Variants in RAP1GAP2 observed in about 807,000 individuals in gnomAD.
The protein encoded by RAP1GAP2 is RAP1 GTPase activating protein 2, also known as rap1 GTPase-activating protein 2.
A neutral mutation model predicts 95.0 loss-of-function variants in RAP1GAP2; 27 were observed. The observed-to-expected ratio is 0.28, with a 90% CI of 0.21 to 0.39. The LOEUF is 0.39. Ranked by LOEUF, RAP1GAP2 falls within the 10% of genes least tolerant of loss-of-function variation. The probability of loss-of-function intolerance (pLI) is 1.00; values close to 1 mark genes in which losing one functional copy is unlikely to be tolerated. For missense variants in RAP1GAP2, 771 were observed against 970.0 expected, an observed-to-expected ratio of 0.79 and a Z score of 2.72; for synonymous variants, 373 against 380.9, an observed-to-expected ratio of 0.98 and a Z score of 0.24.
chr17:2,875,387 A>C (rs943042641), intron 2 of RAP1GAP2, among the ~76,000 whole-genome samples: 3 of 152,148 alleles, frequency 2.0e-5, no homozygotes, highest in African/African-American at 7.2e-5. Flanking sequence ...TTGTAAAGGC[A>C]AAGGGGACAG....
chr17:2,819,144 A>G (rs139120532), intron 2 of RAP1GAP2, among the ~76,000 whole-genome samples: 3,096 of 150,454 alleles, frequency 0.021, 105 homozygotes, highest in East Asian at 0.15. Flanking sequence ...TCAGCCTCCC[A>G]AGTACCTGGG....
intron 4 of RAP1GAP2, among the ~76,000 whole-genome samples, chr17:2,960,282 G>C (rs1171338987): frequency 6.6e-6 from 1 of 152,054 alleles, no homozygotes; most frequent in Non-Finnish European, 1.5e-5. Flanking sequence ...TCCTGCCCTC[G>C]GGGCTGTTCC....
rs538792492 is a variant in RAP1GAP2, at chr17:2,895,733, T to C, written c.81-9551T>C. On this transcript the variant is annotated intron_variant, in intron 2 of 24. Coordinates refer to ENST00000254695, the MANE Select transcript of RAP1GAP2 (RefSeq NM_015085.5). ...CTGGGATTACAGGCGCCTGCCACCA[T>C]GCCTGGCTAATTTTTTGTATTTTTA... 3.2e-3 allele frequency among the ~76,000 whole-genome samples: 488 copies of C among 152,164 alleles called. 6 individuals are homozygous for C. The highest frequency in any genetic ancestry group is 0.011 in the African/African-American group (468 of 41,526).
chr17:2,776,823 CGGA>C (rs372983882), upstream of RAP1GAP2, among the ~76,000 whole-genome samples: 32,671 of 143,838 alleles, frequency 0.23, 4,008 homozygotes, highest in South Asian at 0.41. Flanking sequence ...CCCGCCGCCC[CGGA>C]GGAGGAGGAG....
chr17:3,018,482 C>T (rs1597886809), intron 18 of RAP1GAP2, among the ~76,000 whole-genome samples: 1 of 152,152 alleles, frequency 6.6e-6, no homozygotes, highest in Admixed American at 6.5e-5. Context: ...ACCTCCTCCT[C>T]GGGGCCAGCC....
chr17:3,032,168 A>G (rs999205330), intron 23 of RAP1GAP2, among the ~76,000 whole-genome samples: 2 of 147,602 alleles, frequency 1.4e-5, no homozygotes, highest in Non-Finnish European at 3.0e-5. Flanking sequence ...CAGACTATCG[A>G]GAGCTCCAGG....
rs539522699 is a variant in RAP1GAP2 at position 2,810,955 on chromosome 17, A to G, written c.80+10405A>G. Among the ~76,000 whole-genome samples the G allele has an allele frequency of 4.5e-4, 68 of 152,030 alleles. 1 individual carries two copies. The highest frequency in any genetic ancestry group is 8.3e-4 in the South Asian group (4 of 4,826). The stretch of plus-strand genomic sequence containing the variant: ...GTATGGATGCCTATTTTATTGTAGT[A>G]CAACTTTGCTCGAAGCTGACCGCTG... On this transcript the variant is annotated intron_variant, in intron 2 of 24. Transcript: ENST00000254695.
At chr17:2,841,142 C>T (rs1045551310) in intron 2 of RAP1GAP2, among the ~76,000 whole-genome samples, 1 of 151,726 alleles carries the variant, frequency 6.6e-6, no homozygotes, top group African/African-American at 2.4e-5. Context: ...GCAAGAAGAG[C>T]TAAAGTCTGT....
chr17:2,971,158 C>T (rs527274669), intron 8 of RAP1GAP2, among the ~76,000 whole-genome samples: 3 of 152,240 alleles, frequency 2.0e-5, no homozygotes, highest in Admixed American at 6.5e-5. Flanking sequence ...AAACTAAATA[C>T]ATTTCAGAGA....
chr17:3,012,963 T>G (rs1273821311), intron 17 of RAP1GAP2, among the ~76,000 whole-genome samples: 1 of 152,194 alleles, frequency 6.6e-6, no homozygotes, highest in Admixed American at 6.5e-5. Flanking sequence ...GCAGGCCACA[T>G]TTTGAGAAAT....
In RAP1GAP2 at chr17:2,827,668, C is replaced by T. The variant is rs947779644; in HGVS notation, c.80+27118C>T. Among the ~76,000 whole-genome samples, 7 of 151,952 alleles carry T rather than the reference C, an allele frequency of 4.6e-5. No homozygotes were observed. The highest frequency in any genetic ancestry group is 8.8e-5 in the Non-Finnish European group (6 of 67,976). On this transcript the variant is annotated intron_variant, in intron 2 of 24. Transcript: ENST00000254695. The surrounding 1 kb of genome is among the most constrained non-coding windows in gnomAD (Gnocchi z 4.1). ...ACTAAAAATACAAAAATTAGCCGGG[C>T]GTGGTGGTACCTGCCTGTAATCCCC... is the stretch of plus-strand genomic sequence containing the variant.
chr17:2,804,996 G>A (rs1221204384), intron 2 of RAP1GAP2, among the ~76,000 whole-genome samples: 1 of 152,174 alleles, frequency 6.6e-6, no homozygotes, highest in Non-Finnish European at 1.5e-5. Context: ...GTAGGCGCTC[G>A]CTGTTGAGTG....
At chr17:2,829,389 G>A (rs959348538) in intron 2 of RAP1GAP2, among the ~76,000 whole-genome samples, 1 of 152,066 alleles carries the variant, frequency 6.6e-6, no homozygotes, top group African/African-American at 2.4e-5. Flanking sequence ...CGTGGCTTCA[G>A]ATCTCCATAA....
rs181505075 is a variant in RAP1GAP2, at chr17:2,987,744, A to C, written c.813+2678A>C. Among the ~76,000 whole-genome samples the C allele has an allele frequency of 1.7e-3, 255 of 152,366 alleles. 2 individuals carry two copies. Among genetic ancestry groups the C allele is most frequent in the Admixed American group, 0.016 (244 of 15,304 alleles). ...CATGAAATGAAGGTAATTCTAAAAA[A>C]AAAATACTGTAAAAAGCAAAATAAA... On this transcript the variant is annotated intron_variant, in intron 11 of 24. Transcript: ENST00000254695.
At chr17:2,939,416 C>T (rs566508770) in intron 3 of RAP1GAP2, among the ~76,000 whole-genome samples, 2 of 152,360 alleles carry the variant, frequency 1.3e-5, no homozygotes, top group African/African-American at 4.8e-5. Context: ...TCTTTCTTCA[C>T]ACCTCTTAGG....
Position 3,007,992 on chromosome 17 carries a change from C to T in RAP1GAP2, c.1360-19C>T. The T allele has an allele frequency of 2.5e-6, 4 of 1,612,114 alleles. No individual in the cohort carries two copies. The highest frequency in any genetic ancestry group is 3.4e-6 in the Non-Finnish European group (4 of 1,178,726). Reference sequence around the variant, plus strand: ...GCTCTCAGAGCCAGCTTCTCCATCCCCACCCTCTTCCCTTCTAGGACCGGA... The same window carrying T: ...GCTCTCAGAGCCAGCTTCTCCATCCTCACCCTCTTCCCTTCTAGGACCGGA... On this transcript the variant is annotated intron_variant, in intron 16 of 24. Coordinates refer to ENST00000254695, the MANE Select transcript of RAP1GAP2 (RefSeq NM_015085.5).
intron 2 of RAP1GAP2, among the ~76,000 whole-genome samples, chr17:2,820,919 G>A (rs989623812): frequency 1.1e-4 from 10 of 93,166 alleles, no homozygotes; most frequent in African/African-American, 3.9e-4. Flanking sequence ...TGTATTTTTA[G>A]TAGAGATAGG....
intron 1 of RAP1GAP2, among the ~76,000 whole-genome samples, chr17:2,756,988 A>G (rs1273723768): frequency 6.6e-6 from 1 of 152,196 alleles, no homozygotes; most frequent in Non-Finnish European, 1.5e-5. Context: ...CCAAGTTCAC[A>G]TTGTCCGAAA....
At chr17:2,880,639 C>T (rs974674603) in intron 2 of RAP1GAP2, among the ~76,000 whole-genome samples, 10 of 152,088 alleles carry the variant, frequency 6.6e-5, no homozygotes, top group Admixed American at 3.3e-4. Flanking sequence ...CTCCCACCCC[C>T]GCCTCCCCCA....
Sources: allele counts gnomAD v4.1 joint callset (sites outside exome capture counted in the v4.1 genomes callset), GRCh38; gene constraint gnomAD v4.1.1; non-coding constraint Gnocchi (gnomAD v3.1); transcripts MANE v1.5; gene names NCBI Gene and HGNC (gene_info 2026-07-23, HGNC 2026-07-21).